SI: variants seen among roughly 807,000 people sequenced by gnomAD.
SI encodes the protein sucrase-isomaltase.
Under a neutral mutation model 253.3 loss-of-function variants are expected in SI, and 235 were observed. The ratio of observed to expected loss-of-function variants is 0.93; its 90% CI spans 0.83 to 1.03. The LOEUF (loss-of-function observed/expected upper bound fraction) is 1.03. Ranked by LOEUF, SI falls within the 50% of genes least tolerant of loss-of-function variation. SI has a pLI of 0.00. For synonymous variants in SI, 819 were observed against 712.0 expected (o/e 1.15, Z -2.39); for missense variants, 2,442 against 2,211.1 (o/e 1.10, Z -2.09).
At chr3:165,024,617 C>T (rs1420614439) in intron 25 of SI, among the ~76,000 whole-genome samples, 1 of 150,982 alleles carries the variant, frequency 6.6e-6, no homozygotes, top group Admixed American at 6.6e-5. Flanking sequence ...TGTACCCTAT[C>T]CCAGGCCTCC....
rs1339490445 is a variant in SI, at chr3:165,037,910, T to C, written c.2416A>G (p.Thr806Ala). The C allele has an allele frequency of 6.2e-7, 1 of 1,603,688 alleles. No homozygotes were observed. The highest frequency in any genetic ancestry group is 2.2e-5 in the East Asian group (1 of 44,508). ...IIPIQEPDVT[T>A]TASRKNPLGL... ...GATTTTTCATTTTACCTTGCTGTTG[T>C]TGTTACATCTGGTTCTTGAATGGGG... The change falls in exon 21 of 48, where the codon ACA becomes GCA. Residue 806 changes from threonine to alanine, a missense_variant. Coordinates refer to ENST00000264382, the MANE Select transcript of SI (RefSeq NM_001041.4).
intron 14 of SI, among the ~76,000 whole-genome samples, chr3:165,049,587 A>T (rs150987719): frequency 2.0e-5 from 3 of 152,118 alleles, no homozygotes; most frequent in African/African-American, 7.2e-5. Context: ...TTATGGACCA[A>T]TTTTAAAGCC....
In SI at chr3:165,007,965, T is replaced by C. The variant is rs770490689; in HGVS notation, c.4213A>G (p.Thr1405Ala). 1.0e-5 allele frequency: 16 copies of C among 1,599,754 alleles called. No homozygotes were observed. In the African/African-American group the frequency reaches 1.9e-4, roughly 19 times the overall value. The part of the protein sequence containing the change: ...MNEPSSFVNG[T>A]TTNQCRNDEL... ...TCATTTCTGCATTGATTAGTAGTTG[T>C]TCCATTTACAAAACTTGATGGCTCA... is the stretch of plus-strand genomic sequence containing the variant. Residue 1405 changes from threonine (T) to alanine (A), a missense_variant, in exon 36 of 48, where the codon ACA becomes GCA. Coordinates refer to ENST00000264382, the MANE Select transcript of SI (RefSeq NM_001041.4).
intron 8 of SI, 120 bp downstream of exon 8, chr3:165,063,322 G>A (rs1476700028): frequency 5.8e-6 from 3 of 513,750 alleles, no homozygotes; most frequent in Non-Finnish European, 7.1e-6. Flanking sequence ...AATGTCACAT[G>A]TTAATATTAA....
chr3:165,009,308 C>T lies in SI; in HGVS notation c.4150G>A (p.Glu1384Lys). The T allele has an allele frequency of 1.9e-6, 3 of 1,611,430 alleles. No individual in the cohort carries two copies. The highest frequency in any genetic ancestry group is 2.5e-6 in the Non-Finnish European group (3 of 1,177,722). The change falls in exon 35 of 48, where the codon GAA (glutamate) becomes AAA (lysine). Residue 1384 changes from glutamate to lysine, a missense_variant. Transcript: ENST00000264382. ...CACAAACCATCAAACTTCATCTTTT[C>T]ATTGTAAAAGTCCACAATTTCTCTG... ...WAREIVDFYN[E>K]KMKFDGLWID...
chr3:165,085,739 T>C, the SI span, among the ~76,000 whole-genome samples: 1 of 152,184 alleles, frequency 6.6e-6, no homozygotes, highest in Non-Finnish European at 1.5e-5. Flanking sequence ...TATGAATAAA[T>C]TGGAAAAGTG....
intron 34 of SI, among the ~76,000 whole-genome samples, chr3:165,009,804 AACCATCTC>A: frequency 1.3e-5 from 2 of 152,248 alleles, no homozygotes; most frequent in South Asian, 4.2e-4. Context: ...CATTTCCCAG[AACCATCTC>A]ACCACCCTCA....
At chr3:165,077,280 C>T (rs1419375913) in intron 1 of SI, among the ~76,000 whole-genome samples, 1 of 151,582 alleles carries the variant, frequency 6.6e-6, no homozygotes, top group Non-Finnish European at 1.5e-5. Flanking sequence ...ATTCAAATGC[C>T]ATGGTGAGTT....
chr3:165,026,055 A>G (rs576654688), intron 25 of SI, among the ~76,000 whole-genome samples: 1 of 151,550 alleles, frequency 6.6e-6, no homozygotes, highest in South Asian at 2.1e-4. Context: ...ATGGATAACT[A>G]TTCACCAACC....
chr3:164,982,579 T>G (rs1717243876), intron 46 of SI, among the ~76,000 whole-genome samples, 169 bp from the exon 47 acceptor site: 1 of 152,160 alleles, frequency 6.6e-6, no homozygotes, highest in Non-Finnish European at 1.5e-5. Flanking sequence ...ACTTCAAATT[T>G]TCTTCCTTTT....
At chr3:165,024,153 C>T (rs1202488140) in intron 25 of SI, among the ~76,000 whole-genome samples, 6 of 151,276 alleles carry the variant, frequency 4.0e-5, no homozygotes, top group South Asian at 2.1e-4. Flanking sequence ...ATAAAAATGG[C>T]ATTATAACAT....
chr3:165,019,810 T>A lies in SI; in HGVS notation c.3255-40A>T, dbSNP rs761466690. ...AAACAAAGCTATGTCTGTCAAAATA[T>A]ATGCAAAGTAGTATCACAAATAATA... On this transcript the variant is annotated intron_variant, in intron 27 of 47. Coordinates refer to ENST00000264382, the MANE Select transcript of SI (RefSeq NM_001041.4). 5 of 1,528,126 alleles carry A rather than the reference T, an allele frequency of 3.3e-6. No homozygotes were observed. In the African/African-American group the frequency reaches 5.5e-5, roughly 17 times the overall value. 94.7% of individuals were successfully genotyped at this position (1,528,126 alleles called of 1,614,324 possible).
At chr3:165,046,616 T>C (rs1210503888) in intron 16 of SI, among the ~76,000 whole-genome samples, 1 of 152,084 alleles carries the variant, frequency 6.6e-6, no homozygotes, top group Non-Finnish European at 1.5e-5. Context: ...TTTCCTCAAT[T>C]ATCTTGATTT....
intron 22 of SI, among the ~76,000 whole-genome samples, chr3:165,034,963 T>G (rs1469423255): frequency 6.6e-6 from 1 of 151,802 alleles, no homozygotes; most frequent in Non-Finnish European, 1.5e-5. Context: ...GTGGTGACAG[T>G]GGGGGAACTG....
chr3:165,046,710 T>G (rs933981201), intron 16 of SI, 131 bp downstream of exon 16: 3 of 733,744 alleles, frequency 4.1e-6, no homozygotes, highest in Non-Finnish European at 6.7e-6. Flanking sequence ...CCTCATAAAC[T>G]CCATAAAAAT....
intron 34 of SI, among the ~76,000 whole-genome samples, chr3:165,010,805 A>C (rs1576883295): frequency 6.6e-6 from 1 of 152,326 alleles, no homozygotes; most frequent in East Asian, 1.9e-4. Flanking sequence ...GGAATTCTGC[A>C]TAAGCCATTC....
At position 165,067,358 on chromosome 3, in the gene SI, T is replaced by C. The variant is rs762558185; in HGVS notation, c.617A>G (p.Lys206Arg). ...CACTTACAAAGTTTTACCGTTGCTT[T>C]TCCTAATAACTTGGATGCTAAATGG... ...QNPFSIQVIRKSNGKTLFDTS... is the reference protein window; with the variant it reads ...QNPFSIQVIRRSNGKTLFDTS... The change falls in exon 6 of 48, where the codon AAA becomes AGA. Residue 206 changes from lysine (K) to arginine (R), a missense_variant. By Grantham distance (26) the Lys-to-Arg change is conservative (BLOSUM62 2). Coordinates refer to ENST00000264382, the MANE Select transcript of SI (RefSeq NM_001041.4). 3.1e-6 allele frequency: 5 copies of C among 1,610,502 alleles called. No homozygotes were observed. The Admixed American group carries it at 6.7e-5, about 21-fold the overall frequency.
chr3:165,043,866 T>A (rs925731813), intron 16 of SI, among the ~76,000 whole-genome samples: 2 of 152,012 alleles, frequency 1.3e-5, no homozygotes, highest in Non-Finnish European at 2.9e-5. Context: ...GAAATTCAAT[T>A]ATATTAATGT....
In SI at chr3:165,033,390, C is replaced by A; in HGVS notation, c.2565+5G>T. On this transcript the variant is annotated splice_donor_5th_base_variant and intron_variant, in intron 23 of 47. Transcript: ENST00000264382. ...TTTAAGTATATGTACAAAGAGAGTGCTTACATTAGAAACTGAAAATGTATA... is the reference window on the plus strand; with the variant it reads ...TTTAAGTATATGTACAAAGAGAGTGATTACATTAGAAACTGAAAATGTATA... 2 of 1,554,016 alleles carry A rather than the reference C, an allele frequency of 1.3e-6. No homozygotes were observed. Among genetic ancestry groups the A allele is most frequent in the Non-Finnish European group, 8.7e-7 (1 of 1,146,238 alleles).
Sources: gnomAD v4.1 joint callset for allele counts (sites outside exome capture counted in the v4.1 genomes callset) on GRCh38, gnomAD v4.1.1 for gene constraint, MANE v1.5 for transcripts, NCBI Gene and HGNC (gene_info 2026-07-23, HGNC 2026-07-21) for gene names.